DGKB: variants seen among roughly 807,000 people sequenced by gnomAD.
DGKB encodes 90 kDa diacylglycerol kinase.
DGKB carries 67 observed loss-of-function variants against 114.3 expected under a neutral mutation model. The ratio of observed to expected loss-of-function variants is 0.59; its 90% CI spans 0.48 to 0.72. The LOEUF is 0.72. Among genes scored for constraint, DGKB ranks in the 30% least tolerant of loss-of-function variants. The pLI, the probability that DGKB is intolerant of heterozygous loss-of-function variation, is 0.00. For missense variants in DGKB, 907 were observed against 975.2 expected (o/e 0.93, Z 0.93); for synonymous variants, 398 against 323.1 (o/e 1.23, Z -2.49).
At chr7:14,797,934 G>C (rs1841630539) in intron 2 of DGKB, among the ~76,000 whole-genome samples, 1 of 152,164 alleles carries the variant, frequency 6.6e-6, no homozygotes, top group African/African-American at 2.4e-5. Flanking sequence ...GGACACCGGA[G>C]AGTGAATAAG....
intron 1 of DGKB, among the ~76,000 whole-genome samples, chr7:14,886,105 A>T (rs1161768576): frequency 1.3e-5 from 2 of 151,944 alleles, no homozygotes; most frequent in Non-Finnish European, 2.9e-5. Context: ...TTAAGAATAC[A>T]GTTGAGTGAA....
chr7:14,769,228 G>GAGAGAA (rs1554265921), intron 2 of DGKB, among the ~76,000 whole-genome samples: 2 of 119,688 alleles, frequency 1.7e-5, no homozygotes, highest in South Asian at 5.9e-4. Flanking sequence ...GAAAGAGAGA[G>GAGAGAA]AGAAAGAAAG....
intron 2 of DGKB, among the ~76,000 whole-genome samples, chr7:14,777,929 C>G (rs7456390): frequency 0.39 from 59,224 of 151,968 alleles, 16,250 homozygotes; most frequent in African/African-American, 0.77. Context: ...AGTGTTGGCT[C>G]TTGTGTATAG....
intron 4 of DGKB, among the ~76,000 whole-genome samples, chr7:14,744,696 T>C (rs1833019082): frequency 6.6e-6 from 1 of 152,218 alleles, no homozygotes; most frequent in Admixed American, 6.5e-5. Context: ...AGGCCAAGTA[T>C]AAGACTGAAG....
chr7:14,602,289 T>C (rs1803689670), intron 17 of DGKB, among the ~76,000 whole-genome samples: 1 of 152,204 alleles, frequency 6.6e-6, no homozygotes, highest in African/African-American at 2.4e-5. Context: ...CTCTGGGTTT[T>C]AGATTTTTGA....
At chr7:14,413,353 G>C (rs1178278656) in intron 21 of DGKB, among the ~76,000 whole-genome samples, 1 of 152,126 alleles carries the variant, frequency 6.6e-6, no homozygotes, top group Non-Finnish European at 1.5e-5. Flanking sequence ...ATGGGAGATA[G>C]GGAACACTAT....
intron 5 of DGKB, among the ~76,000 whole-genome samples, chr7:14,728,480 T>A (rs1457485915): frequency 6.6e-6 from 1 of 152,064 alleles, no homozygotes; most frequent in East Asian, 1.9e-4. Flanking sequence ...TCCTAACAAG[T>A]CTATCTTCCT....
At chr7:14,620,372 C>G (rs894260044) in intron 15 of DGKB, among the ~76,000 whole-genome samples, 22 of 151,130 alleles carry the variant, frequency 1.5e-4, no homozygotes, top group African/African-American at 5.3e-4. Flanking sequence ...TAATGACATT[C>G]AAGATGATAA....
At chr7:14,168,437 T>A (rs1784918168) in intron 25 of DGKB, among the ~76,000 whole-genome samples, 1 of 152,144 alleles carries the variant, frequency 6.6e-6, no homozygotes. Flanking sequence ...TGGCAAAACA[T>A]ACAGCTACAG....
At chr7:14,702,764 T>A (rs886579714) in intron 6 of DGKB, among the ~76,000 whole-genome samples, 9 of 152,184 alleles carry the variant, frequency 5.9e-5, no homozygotes, top group African/African-American at 1.7e-4. Context: ...ATGACCCTGA[T>A]GGTCTATTTG....
chr7:14,645,729 C>T (rs1180905471), intron 13 of DGKB, among the ~76,000 whole-genome samples: 1 of 150,684 alleles, frequency 6.6e-6, no homozygotes, highest in African/African-American at 2.4e-5. Flanking sequence ...GCCAAGAATA[C>T]AATACCCAGC....
At chr7:14,266,068 CT>C (rs1344736752) in intron 23 of DGKB, among the ~76,000 whole-genome samples, 11 of 152,124 alleles carry the variant, frequency 7.2e-5, no homozygotes, top group Non-Finnish European at 1.6e-4. Context: ...AAAAGGCAAC[CT>C]TTTCTGTGGC....
chr7:14,437,465 C>T (rs915405315), intron 21 of DGKB, among the ~76,000 whole-genome samples: 5 of 151,910 alleles, frequency 3.3e-5, no homozygotes, highest in South Asian at 2.1e-4. Flanking sequence ...ACTGACTGTG[C>T]GGAAAATATG....
At chr7:14,608,969 G>T (rs558371101) in intron 16 of DGKB, among the ~76,000 whole-genome samples, 1 of 151,934 alleles carries the variant, frequency 6.6e-6, no homozygotes, top group Non-Finnish European at 1.5e-5. Flanking sequence ...AATCACTATC[G>T]TTAAATGGCT....
At chr7:14,309,572 A>G (rs1805035446) in intron 23 of DGKB, among the ~76,000 whole-genome samples, 1 of 152,210 alleles carries the variant, frequency 6.6e-6, no homozygotes, top group African/African-American at 2.4e-5. Context: ...GCAATTTAAA[A>G]GTTTGAACTT....
intron 1 of DGKB, among the ~76,000 whole-genome samples, chr7:14,958,840 A>T (rs1209738045): frequency 2.6e-5 from 4 of 151,898 alleles, no homozygotes; most frequent in Admixed American, 2.0e-4. Flanking sequence ...CCTCCGTGGG[A>T]GCCTCCCTTA....
At chr7:14,250,981 T>C (rs1584731959) in intron 23 of DGKB, among the ~76,000 whole-genome samples, 1 of 152,172 alleles carries the variant, frequency 6.6e-6, no homozygotes, top group Non-Finnish European at 1.5e-5. Flanking sequence ...TTGCAGGAAA[T>C]ATCTCTTGAT....
chr7:14,419,089 C>G (rs73068027), intron 21 of DGKB, among the ~76,000 whole-genome samples: 1 of 151,716 alleles, frequency 6.6e-6, no homozygotes, highest in South Asian at 2.1e-4. Context: ...AATCCTTACT[C>G]TGGGACAGCG....
chr7:14,161,474 T>C (rs2128224868), intron 25 of DGKB, among the ~76,000 whole-genome samples: 1 of 152,186 alleles, frequency 6.6e-6, no homozygotes, highest in East Asian at 1.9e-4. Context: ...CATGGAATAC[T>C]ATGCAGCCAT....
Sources: gnomAD v4.1 joint callset for allele counts (sites outside exome capture counted in the v4.1 genomes callset) on GRCh38, gnomAD v4.1.1 for gene constraint, MANE v1.5 for transcripts, NCBI Gene and HGNC (gene_info 2026-07-23, HGNC 2026-07-21) for gene names.